Variants in CX3CR1 observed in about 807,000 individuals in gnomAD.
CX3CR1 encodes C-X3-C motif chemokine receptor 1, also known as CX3C chemokine receptor 1.
For missense variants in CX3CR1, 363 were observed against 432.4 expected, an observed-to-expected ratio of 0.84 and a Z score of 1.42; for synonymous variants, 168 against 178.5, an observed-to-expected ratio of 0.94 and a Z score of 0.47.
At chr3:39,292,027 G>A in the CX3CR1 span, among the ~76,000 whole-genome samples, 2 of 152,230 alleles carry the variant, frequency 1.3e-5, no homozygotes, top group Non-Finnish European at 2.9e-5. Context: ...GCTTAGGGGC[G>A]CCCCCTTGTG....
upstream of CX3CR1, chr3:39,280,170 G>A: frequency 2.0e-6 from 2 of 982,842 alleles, no homozygotes; most frequent in South Asian, 4.7e-5. Flanking sequence ...CTGCCAACAG[G>A]AGGGCCTGAC....
upstream of CX3CR1, chr3:39,286,005 T>A (rs979183253): frequency 1.3e-5 from 2 of 152,192 alleles, no homozygotes; most frequent in Non-Finnish European, 2.9e-5. Context: ...CAATAAAGTA[T>A]CAGAACTCAT....
chr3:39,285,763 T>A (rs1354218125), upstream of CX3CR1, among the ~76,000 whole-genome samples: 2 of 152,190 alleles, frequency 1.3e-5, no homozygotes, highest in African/African-American at 4.8e-5. Context: ...GGAAGAATAA[T>A]GGAAAATGAA....
Position 39,266,048 on chromosome 3 carries a change from C to T in CX3CR1, c.462G>A (p.Trp154Ter), listed in dbSNP as rs200886734. ...QHGVTISLGV[W>*]AAAILVAAPQ... ...GTGCTGCCACCAAAATGGCTGCTGC[C>T]CAGACGCCTAGGCTGATGGTGACGC... The change falls in exon 2 of 2, where the codon TGG (tryptophan) becomes TGA (stop). Residue 154 changes from tryptophan to a stop codon, truncating the protein, a stop_gained. Transcript: ENST00000399220. LOFTEE classifies it low-confidence loss of function (END_TRUNC). 6.8e-6 allele frequency: 11 copies of T among 1,614,028 alleles called. No homozygotes were observed. The Middle Eastern group carries it at 6.6e-4, about 96-fold the overall frequency.
Position 39,263,642 on chromosome 3 carries a change from G to A in CX3CR1, c.*1800C>T, listed in dbSNP as rs547265938. 1 of 152,332 alleles carries A rather than the reference G, an allele frequency of 6.6e-6. No homozygotes were observed. The highest frequency in any genetic ancestry group is 2.4e-5 in the African/African-American group (1 of 41,574). 9.4% of individuals were successfully genotyped at this position (152,332 alleles called of 1,614,324 possible). A position where few individuals can be genotyped will look rare whatever the true frequency, so the allele number is the denominator to read the frequency against. On this transcript the variant is annotated 3_prime_UTR_variant, in exon 2 of 2. Coordinates refer to ENST00000399220, the MANE Select transcript of CX3CR1 (RefSeq NM_001337.4). ...TTATACAAACATATAGACTGCCAAAGAGCTATCAGATACACAGCAATTTAA... is the reference window on the plus strand; with the variant it reads ...TTATACAAACATATAGACTGCCAAAAAGCTATCAGATACACAGCAATTTAA...
the CX3CR1 span, among the ~76,000 whole-genome samples, chr3:39,288,571 A>G: frequency 6.6e-6 from 1 of 152,226 alleles, no homozygotes; most frequent in Non-Finnish European, 1.5e-5. Context: ...GGAGCAGCCA[A>G]TCAGCAGAGA....
chr3:39,268,971 C>G (rs1475698261), intron 1 of CX3CR1, among the ~76,000 whole-genome samples: 1 of 152,174 alleles, frequency 6.6e-6, no homozygotes, highest in African/African-American at 2.4e-5. Flanking sequence ...CCACCTCCAC[C>G]CTGGGTATCC....
chr3:39,286,511 C>T (rs983556275), upstream of CX3CR1: 26 of 151,544 alleles, frequency 1.7e-4, no homozygotes, highest in Non-Finnish European at 3.4e-4. Flanking sequence ...ATTAGCCGGG[C>T]GCGGTGGCGG....
chr3:39,288,507 C>A, the CX3CR1 span, among the ~76,000 whole-genome samples: 1 of 152,172 alleles, frequency 6.6e-6, no homozygotes, highest in African/African-American at 2.4e-5. Flanking sequence ...TCTGTCTCCC[C>A]CTCCTGGTGT....
rs550859507 is a variant in CX3CR1 at position 39,274,615 on chromosome 3, AT to A, written c.-10+5338del. ...TTTCCTCTTCAAAATACTTTATGGTATTTATTTATTTATGTCAAAGTAAACT... is the reference window on the plus strand; with the variant it reads ...TTTCCTCTTCAAAATACTTTATGGTATTATTTATTTATGTCAAAGTAAACT... On this transcript the variant is annotated intron_variant, in intron 1 of 1. Transcript: ENST00000399220. Among the ~76,000 whole-genome samples, 7 of 151,216 alleles carry A rather than the reference AT, an allele frequency of 4.6e-5. No individual in the cohort carries two copies. In the East Asian group the frequency reaches 1.4e-3, roughly 30 times the overall value.
In CX3CR1 at chr3:39,265,621, C is replaced by T; in HGVS notation, c.889G>A (p.Gly297Arg). The T allele has an allele frequency of 2.5e-6, 4 of 1,614,178 alleles. No homozygotes were observed. The highest frequency in any genetic ancestry group is 3.4e-6 in the Non-Finnish European group (4 of 1,180,026). ...CLNPLIYAFA[G>R]EKFRRYLYHL... ...TAAAGGTATCTTCTGAACTTCTCCC[C>T]AGCAAATGCATAGATGAGAGGATTC... is the stretch of plus-strand genomic sequence containing the variant. Residue 297 changes from glycine to arginine, a missense_variant, in exon 2 of 2, where the codon GGG becomes AGG. Coordinates refer to ENST00000399220, the MANE Select transcript of CX3CR1 (RefSeq NM_001337.4).
intron 1 of CX3CR1, among the ~76,000 whole-genome samples, chr3:39,278,776 C>T (rs1348934458): frequency 2.7e-5 from 4 of 149,848 alleles, no homozygotes; most frequent in African/African-American, 9.9e-5. Context: ...GCTGTGATTG[C>T]CAGAGGCAAG....
intron 1 of CX3CR1, among the ~76,000 whole-genome samples, chr3:39,276,016 G>A (rs1257429849): frequency 6.6e-6 from 1 of 152,138 alleles, no homozygotes; most frequent in Admixed American, 6.5e-5. Flanking sequence ...GTGAATAGTG[G>A]GTGGGCTTTG....
At position 39,266,311 on chromosome 3, in the gene CX3CR1, C is replaced by T. The variant is rs766076052; in HGVS notation, c.199G>A (p.Asp67Asn). The T allele has an allele frequency of 1.5e-5, 24 of 1,614,036 alleles. No individual in the cohort carries two copies. The highest frequency in any genetic ancestry group is 4.4e-5 in the South Asian group (4 of 91,056). The change falls in exon 2 of 2, where the codon GAC becomes AAC. Residue 67 changes from aspartate (D) to asparagine (N), a missense_variant. Physicochemically the swap from Asp to Asn is conservative, Grantham distance 23. Transcript: ENST00000399220. ...AAGGCCAGGTTCAGGAGGTAAATGT[C>T]GGTGACACTCTTGGGCTTCTTGCTG... Reference protein sequence around the residue: ...TNSKKPKSVTDIYLLNLALSD... With the variant: ...TNSKKPKSVTNIYLLNLALSD...
intron 1 of CX3CR1, among the ~76,000 whole-genome samples, chr3:39,271,140 T>C (rs1282875537): frequency 5.3e-5 from 8 of 152,234 alleles, no homozygotes; most frequent in Non-Finnish European, 1.5e-5. Context: ...TCTTCAGCTC[T>C]GCAGGCCAAT....
At position 39,271,822 on chromosome 3, in the gene CX3CR1, G is replaced by A. The variant is rs11926792; in HGVS notation, c.-9-5304C>T. On this transcript the variant is annotated intron_variant, in intron 1 of 1. Transcript: ENST00000399220. ...GTGAACTTGATAGCTTTAGCAAGGC[G>A]CTTTTTAAGGAAGACTGAGCCTGAG... 7.2e-3 allele frequency among the ~76,000 whole-genome samples: 1,098 copies of A among 152,314 alleles called. 7 individuals are homozygous for A. The highest frequency in any genetic ancestry group is 0.011 in the African/African-American group (469 of 41,562).
chr3:39,273,949 G>A (rs1185900969), intron 1 of CX3CR1, among the ~76,000 whole-genome samples: 3 of 152,202 alleles, frequency 2.0e-5, no homozygotes, highest in African/African-American at 4.8e-5. Context: ...GTCTTAAAGA[G>A]CAACATGAGT....
chr3:39,263,875 C>T lies in CX3CR1; in HGVS notation c.*1567G>A, dbSNP rs2040655246. ...TCTGGACGGGTGAATACAGGAATGA[C>T]AATATTGATGTGGTTAGATTGGATG... On this transcript the variant is annotated 3_prime_UTR_variant, in exon 2 of 2. Coordinates refer to ENST00000399220, the MANE Select transcript of CX3CR1 (RefSeq NM_001337.4). 1 of 152,174 alleles carries T rather than the reference C, an allele frequency of 6.6e-6. No homozygotes were observed. Among genetic ancestry groups the T allele is most frequent in the African/African-American group, 2.4e-5 (1 of 41,424 alleles). The allele number at this position is 152,174 out of a possible 1,614,324, so 9.4% of individuals were successfully genotyped here.
chr3:39,280,357 C>A (rs1005904907), upstream of CX3CR1: 2 of 985,382 alleles, frequency 2.0e-6, no homozygotes, highest in African/African-American at 3.5e-5. Context: ...GCTCATGGGG[C>A]CCTCAGCTTC....
Sources: allele counts gnomAD v4.1 joint callset (sites outside exome capture counted in the v4.1 genomes callset), GRCh38; gene constraint gnomAD v4.1.1; transcripts MANE v1.5; gene names NCBI Gene and HGNC (gene_info 2026-07-23, HGNC 2026-07-21).